WWOX: variants seen among roughly 807,000 people sequenced by gnomAD.
WWOX encodes the protein WW domain-containing oxidoreductase.
Under a neutral mutation model 46.2 loss-of-function variants are expected in WWOX, and 69 were observed. That is an observed-to-expected ratio of 1.49 (90% CI 1.23 to 1.82). The LOEUF (loss-of-function observed/expected upper bound fraction) is 1.82. WWOX is among the 40% of genes most tolerant of loss of function. The pLI is 0.00. For missense variants in WWOX, 919 were observed against 542.6 expected, an observed-to-expected ratio of 1.69 and a Z score of -6.89; for synonymous variants, 359 against 202.6, an observed-to-expected ratio of 1.77 and a Z score of -6.56.
At chr16:78,794,833 C>T (rs1161443372) in intron 8 of WWOX, among the ~76,000 whole-genome samples, 1 of 152,252 alleles carries the variant, frequency 6.6e-6, no homozygotes, top group Non-Finnish European at 1.5e-5. Context: ...GGGCACAGAA[C>T]TGCCAACTGT....
chr16:79,111,908 C>G (rs559456271), intron 8 of WWOX, among the ~76,000 whole-genome samples: 5 of 152,136 alleles, frequency 3.3e-5, no homozygotes, highest in Non-Finnish European at 7.3e-5. Context: ...GTAATAAACT[C>G]AAGCTTTGCA....
intron 5 of WWOX, among the ~76,000 whole-genome samples, chr16:78,316,841 G>GTATACCAT (rs1325041902): frequency 6.6e-6 from 1 of 152,190 alleles, no homozygotes; most frequent in Non-Finnish European, 1.5e-5. Context: ...AGTGATAGAT[G>GTATACCAT]TATACCATTC....
intron 8 of WWOX, among the ~76,000 whole-genome samples, chr16:78,746,915 T>A (rs573761667): frequency 6.6e-6 from 1 of 152,130 alleles, no homozygotes. Context: ...AGCTGATGAA[T>A]ACACCACTCC....
intron 8 of WWOX, among the ~76,000 whole-genome samples, chr16:78,518,256 G>C (rs963602272): frequency 3.9e-5 from 6 of 151,966 alleles, no homozygotes; most frequent in Admixed American, 6.6e-5. Flanking sequence ...TTTTGAGATG[G>C]AGTCTTGCTC....
chr16:78,775,111 C>G (rs2050157039), intron 8 of WWOX, among the ~76,000 whole-genome samples: 1 of 152,178 alleles, frequency 6.6e-6, no homozygotes, highest in Non-Finnish European at 1.5e-5. Context: ...CTCACTCCAT[C>G]AAATGTGGCT....
At chr16:78,858,077 C>A (rs2052608450) in intron 8 of WWOX, among the ~76,000 whole-genome samples, 2 of 151,436 alleles carry the variant, frequency 1.3e-5, no homozygotes, top group Non-Finnish European at 2.9e-5. Context: ...GTTTTAAATA[C>A]TCTATAGCAA....
intron 8 of WWOX, among the ~76,000 whole-genome samples, chr16:78,744,220 A>C (rs151088918): frequency 1.3e-5 from 2 of 152,228 alleles, no homozygotes; most frequent in African/African-American, 4.8e-5. Flanking sequence ...GAGTTTGTGA[A>C]AAGACAGGGC....
chr16:79,013,192 C>T (rs2047346939), intron 8 of WWOX, among the ~76,000 whole-genome samples: 3 of 152,220 alleles, frequency 2.0e-5, no homozygotes, highest in African/African-American at 7.2e-5. Flanking sequence ...AGCCCCAGGG[C>T]TTTAGCTCAC....
intron 4 of WWOX, among the ~76,000 whole-genome samples, chr16:78,117,017 G>A (rs757306516): frequency 8.5e-5 from 13 of 152,178 alleles, no homozygotes; most frequent in Non-Finnish European, 1.3e-4. Flanking sequence ...ATATTAAAAG[G>A]GTGATATCTA....
intron 8 of WWOX, among the ~76,000 whole-genome samples, chr16:78,500,236 G>A (rs2085026234): frequency 6.6e-6 from 1 of 152,080 alleles, no homozygotes; most frequent in Non-Finnish European, 1.5e-5. Flanking sequence ...GAAAGGTGGG[G>A]CTTTAAAATA....
At chr16:78,306,038 C>G (rs2080128145) in intron 5 of WWOX, among the ~76,000 whole-genome samples, 1 of 152,016 alleles carries the variant, frequency 6.6e-6, no homozygotes, top group Non-Finnish European at 1.5e-5. Context: ...TCAATTCGAG[C>G]TGTGTTTATA....
chr16:79,005,491 G>A (rs1023103354), intron 8 of WWOX, among the ~76,000 whole-genome samples: 2 of 152,126 alleles, frequency 1.3e-5, no homozygotes, highest in Non-Finnish European at 2.9e-5. Flanking sequence ...TCGAGGTTTC[G>A]GCAAGGCCAT....
chr16:78,770,044 T>C (rs1294770173), intron 8 of WWOX, among the ~76,000 whole-genome samples: 6 of 150,966 alleles, frequency 4.0e-5, no homozygotes, highest in Non-Finnish European at 7.4e-5. Flanking sequence ...ACCGTGTCTT[T>C]AAGTAAAATA....
At chr16:78,517,879 T>A (rs886292608) in intron 8 of WWOX, among the ~76,000 whole-genome samples, 6 of 105,210 alleles carry the variant, frequency 5.7e-5, no homozygotes, top group African/African-American at 6.8e-5. Flanking sequence ...TTTTTTTTTT[T>A]ACTCTGAATG....
intron 8 of WWOX, among the ~76,000 whole-genome samples, chr16:79,188,042 C>T (rs2051054897): frequency 1.3e-5 from 2 of 152,174 alleles, no homozygotes; most frequent in African/African-American, 4.8e-5. Flanking sequence ...CTCCCACTTC[C>T]TGGGTAGTTA....
intron 8 of WWOX, among the ~76,000 whole-genome samples, chr16:78,565,131 A>G (rs1396921851): frequency 6.6e-6 from 1 of 152,216 alleles, no homozygotes; most frequent in Non-Finnish European, 1.5e-5. Context: ...AGCAGAGTAG[A>G]AGGAACTCTG....
intron 8 of WWOX, among the ~76,000 whole-genome samples, chr16:78,804,429 AAAG>A (rs2050975191): frequency 6.6e-6 from 1 of 151,526 alleles, no homozygotes; most frequent in Non-Finnish European, 1.5e-5. Context: ...AAAAAAAAAA[AAAG>A]AAAGAAAGAA....
chr16:78,496,864 G>A (rs1776807681), intron 8 of WWOX, among the ~76,000 whole-genome samples: 1 of 152,222 alleles, frequency 6.6e-6, no homozygotes, highest in Admixed American at 6.5e-5. Context: ...CCATGTGCAT[G>A]GAAGGAGAGG....
At chr16:78,844,850 C>G (rs767250416) in intron 8 of WWOX, among the ~76,000 whole-genome samples, 4 of 152,182 alleles carry the variant, frequency 2.6e-5, no homozygotes, top group Non-Finnish European at 5.9e-5. Context: ...ACCCAGTGAC[C>G]TTGCTCTAGC....
Sources: allele counts gnomAD v4.1 joint callset (sites outside exome capture counted in the v4.1 genomes callset), GRCh38; gene constraint gnomAD v4.1.1; transcripts MANE v1.5; gene names NCBI Gene and HGNC (gene_info 2026-07-23, HGNC 2026-07-21).